The following DDB1 variants were observed in gnomAD, a reference collection of about 807,000 sequenced individuals.
The protein encoded by DDB1 is DNA damage-binding protein 1.
DDB1 carries 18 observed loss-of-function variants against 133.1 expected under a neutral mutation model. The observed-to-expected ratio is 0.14, with a 90% CI of 0.09 to 0.20. DDB1 has a LOEUF of 0.20. Among genes scored for constraint, DDB1 ranks in the 10% least tolerant of loss-of-function variants. The probability of loss-of-function intolerance (pLI) is 1.00; values close to 1 mark genes in which losing one functional copy is unlikely to be tolerated. For missense variants in DDB1, 828 were observed against 1,459.2 expected (o/e 0.57, Z 7.05); for synonymous variants, 580 against 550.5 (o/e 1.05, Z -0.75).
intron 16 of DDB1, 105 bp downstream of exon 16, chr11:61,313,394 G>T: frequency 9.5e-7 from 1 of 1,050,256 alleles, no homozygotes; most frequent in Non-Finnish European, 1.4e-6. Context: ...TCCCATCTCA[G>T]TTATGATTTT....
intron 4 of DDB1, among the ~76,000 whole-genome samples, chr11:61,329,002 A>G (rs114283196): frequency 0.012 from 1,767 of 152,348 alleles, 26 homozygotes; most frequent in African/African-American, 0.036. Flanking sequence ...CTTAATATAA[A>G]GGCAAGATCT....
intron 16 of DDB1, among the ~76,000 whole-genome samples, chr11:61,312,824 C>T (rs1382829511): frequency 6.6e-6 from 1 of 151,974 alleles, no homozygotes; most frequent in African/African-American, 2.4e-5. Flanking sequence ...GTCTCGAGCT[C>T]CTGACCTCCG....
At chr11:61,330,121 G>T (rs763280971) in intron 2 of DDB1, 47 bp from the exon 3 acceptor site, 1 of 1,492,018 alleles carries the variant, frequency 6.7e-7, no homozygotes, top group South Asian at 1.2e-5. Flanking sequence ...TTTAAAACAG[G>T]AACAACCTGT....
chr11:61,303,731 C>T, intron 22 of DDB1, 134 bp downstream of exon 22: 7 of 454,096 alleles, frequency 1.5e-5, no homozygotes, highest in Non-Finnish European at 2.7e-5. Context: ...AAAACTTAAT[C>T]AATGTAGAAT....
At chr11:61,301,752 CA>C (rs1855799022) in intron 25 of DDB1, 1 of 152,924 alleles carries the variant, frequency 6.5e-6, no homozygotes, top group African/African-American at 2.4e-5. Context: ...CTCCCACCTC[CA>C]GGGGGGCGGG....
At chr11:61,310,605 A>G in intron 18 of DDB1, 187 bp from the exon 19 acceptor site, 1 of 559,824 alleles carries the variant, frequency 1.8e-6, no homozygotes. Context: ...TCAATCCCAA[A>G]CAGTAAAAAT....
At chr11:61,319,094 T>C (rs28720298) in intron 10 of DDB1, among the ~76,000 whole-genome samples, 170 of 152,298 alleles carry the variant, frequency 1.1e-3, no homozygotes, top group African/African-American at 4.0e-3. Context: ...GAGTCCCAGC[T>C]ACTGGGAGGC....
Position 61,304,049 on chromosome 11 carries a change from T to C in DDB1, c.2662-14A>G. The C allele has an allele frequency of 6.2e-7, 1 of 1,613,456 alleles. No individual in the cohort carries two copies. The highest frequency in any genetic ancestry group is 8.5e-7 in the Non-Finnish European group (1 of 1,179,930). ...ATAGAGCCGCACCTGGGAAGGGCATTGTCTCTCTCAGCCAAAGGGGCCAGA... is the reference window on the plus strand; with the variant it reads ...ATAGAGCCGCACCTGGGAAGGGCATCGTCTCTCTCAGCCAAAGGGGCCAGA... On this transcript the variant is annotated splice_polypyrimidine_tract_variant and intron_variant, in intron 21 of 26. Coordinates refer to ENST00000301764, the MANE Select transcript of DDB1 (RefSeq NM_001923.5).
intron 7 of DDB1, chr11:61,323,777 G>C: frequency 1.8e-6 from 1 of 558,402 alleles, no homozygotes; most frequent in South Asian, 2.5e-5. Context: ...TTTCTCACAG[G>C]CTGCTTGGAT....
rs1855770196 is a variant in DDB1 at position 61,300,223 on chromosome 11, C to T, written c.3340-4G>A. The T allele has an allele frequency of 2.5e-6, 4 of 1,613,940 alleles. No individual in the cohort carries two copies. Among genetic ancestry groups the T allele is most frequent in the Non-Finnish European group, 3.4e-6 (4 of 1,179,936 alleles). On this transcript the variant is annotated splice_region_variant and splice_polypyrimidine_tract_variant and intron_variant, in intron 26 of 26. Coordinates refer to ENST00000301764, the MANE Select transcript of DDB1 (RefSeq NM_001923.5). ...TCATACCGCTGCCATCGTCATACTG[C>T]AATGAGAAGATGGGCGGGGCTGTGA...
At position 61,312,042 on chromosome 11, in the gene DDB1, G is replaced by T; in HGVS notation, c.2112C>A (p.Ile704=). The stretch of plus-strand genomic sequence containing the variant: ...GAATGTGCAGCTTCTGGATCTCATC[G>T]ATGGTGCCAATGGTGAGGGTGCTAT... ...ANNSTLTIGT[I]DEIQKLHIRT... Residue 704 remains isoleucine, a synonymous_variant, in exon 17 of 27, where the codon ATC becomes ATA. Coordinates refer to ENST00000301764, the MANE Select transcript of DDB1 (RefSeq NM_001923.5). The T allele has an allele frequency of 6.2e-7, 1 of 1,614,218 alleles. No individual in the cohort carries two copies. Among genetic ancestry groups the T allele is most frequent in the East Asian group, 2.2e-5 (1 of 44,888 alleles).
chr11:61,316,661 C>A lies in DDB1; in HGVS notation c.1226-94G>T, dbSNP rs914018121. ...GGCAGGCCAGGGGCAGTGGCTCATGCCTATAATCTCAACACTTGGGAAGGC... is the reference window on the plus strand; with the variant it reads ...GGCAGGCCAGGGGCAGTGGCTCATGACTATAATCTCAACACTTGGGAAGGC... On this transcript the variant is annotated intron_variant, in intron 10 of 26. Coordinates refer to ENST00000301764, the MANE Select transcript of DDB1 (RefSeq NM_001923.5). The A allele has an allele frequency of 1.9e-5, 25 of 1,311,814 alleles. No homozygotes were observed. The Middle Eastern group carries it at 7.5e-4, about 39-fold the overall frequency. The allele number at this position is 1,311,814 out of a possible 1,614,324, so 81.3% of individuals were successfully genotyped here.
chr11:61,306,093 G>A (rs983914587), intron 21 of DDB1, among the ~76,000 whole-genome samples: 39 of 151,894 alleles, frequency 2.6e-4, no homozygotes, highest in African/African-American at 9.2e-4. Flanking sequence ...TATTTCTATT[G>A]GCTGGCAACA....
intron 6 of DDB1, among the ~76,000 whole-genome samples, chr11:61,324,896 C>A (rs1292031488): frequency 6.6e-6 from 1 of 152,140 alleles, no homozygotes; most frequent in Non-Finnish European, 1.5e-5. Context: ...TGCCTGTAAT[C>A]CCGGCACTTT....
chr11:61,308,437 C>T (rs948519706), intron 21 of DDB1, among the ~76,000 whole-genome samples: 10 of 152,228 alleles, frequency 6.6e-5, no homozygotes, highest in African/African-American at 2.2e-4. Flanking sequence ...TTACTTCTCA[C>T]CATTTCACGT....
At chr11:61,322,972 G>A (rs756635579) in intron 8 of DDB1, 39 bp downstream of exon 8, 1 of 1,553,234 alleles carries the variant, frequency 6.4e-7, no homozygotes, top group Admixed American at 1.7e-5. Flanking sequence ...GAAACAGTGA[G>A]TACAGCAAAA....
In DDB1 at chr11:61,310,421, GCAAA is replaced by G; in HGVS notation, c.2278-7_2278-4del. On this transcript the variant is annotated splice_region_variant and splice_polypyrimidine_tract_variant and intron_variant, in intron 18 of 26. Transcript: ENST00000301764. The stretch of plus-strand genomic sequence containing the variant: ...GAGCTTACACTGCTGGACAGAGCCT[GCAAA>G]CAGAGAGAATGCACATCATCCTTCT... 1 of 1,595,350 alleles carries G rather than the reference GCAAA, an allele frequency of 6.3e-7. No individual in the cohort carries two copies. Among genetic ancestry groups the G allele is most frequent in the Non-Finnish European group, 8.5e-7 (1 of 1,172,778 alleles).
intron 1 of DDB1, 35 bp downstream of exon 1, chr11:61,332,873 T>C: frequency 6.9e-7 from 1 of 1,451,540 alleles, no homozygotes; most frequent in Non-Finnish European, 9.2e-7. Flanking sequence ...CCCAACTCCC[T>C]CACTCGCCGG....
chr11:61,322,513 C>G, intron 8 of DDB1, 101 bp from the exon 9 acceptor site: 1 of 854,056 alleles, frequency 1.2e-6, no homozygotes, highest in Non-Finnish European at 2.0e-6. Context: ...TAACTAGTTT[C>G]TAGATCTGCC....
Sources: gnomAD v4.1 joint callset for allele counts (sites outside exome capture counted in the v4.1 genomes callset) on GRCh38, gnomAD v4.1.1 for gene constraint, MANE v1.5 for transcripts, NCBI Gene and HGNC (gene_info 2026-07-23, HGNC 2026-07-21) for gene names.